NAXD: variants seen among roughly 807,000 people sequenced by gnomAD.
The protein encoded by NAXD is NAD(P)HX dehydratase.
A neutral mutation model predicts 35.8 loss-of-function variants in NAXD; 22 were observed. The observed-to-expected ratio is 0.62, with a 90% CI of 0.44 to 0.88. The LOEUF (loss-of-function observed/expected upper bound fraction) is 0.88, where lower values mean the gene tolerates loss of function less well. Ranked by LOEUF, NAXD falls within the 40% of genes least tolerant of loss-of-function variation. The pLI is 0.00. For missense variants in NAXD, 428 were observed against 437.7 expected, an observed-to-expected ratio of 0.98 and a Z score of 0.20; for synonymous variants, 189 against 177.6, an observed-to-expected ratio of 1.06 and a Z score of -0.51.
chr13:110,626,841 A>G (rs1161776404), intron 4 of NAXD, among the ~76,000 whole-genome samples: 2 of 152,226 alleles, frequency 1.3e-5, no homozygotes, highest in African/African-American at 4.8e-5. Context: ...AGGAGTTCTG[A>G]AAAAGCAAAC....
Position 110,639,835 on chromosome 13 carries a change from A to T in NAXD, c.*1307A>T, listed in dbSNP as rs1313723688. 4 of 152,148 alleles carry T rather than the reference A, an allele frequency of 2.6e-5. No individual in the cohort carries two copies. The highest frequency in any genetic ancestry group is 5.9e-5 in the Non-Finnish European group (4 of 68,024). The allele number at this position is 152,148 out of a possible 1,614,324, so 9.4% of individuals were successfully genotyped here. A position where few individuals can be genotyped will look rare whatever the true frequency, so the allele number is the denominator to read the frequency against. ...TTCTTTAAAACTAGGGACTTTCAAG[A>T]TTAAAAAAAAGATTGTCACTACTAA... On this transcript the variant is annotated 3_prime_UTR_variant, in exon 10 of 10. Transcript: ENST00000680254.
intron 5 of NAXD, among the ~76,000 whole-genome samples, chr13:110,633,650 A>G (rs1430108940): frequency 6.6e-6 from 1 of 152,230 alleles, no homozygotes; most frequent in Non-Finnish European, 1.5e-5. Context: ...CTGTCAAGTC[A>G]GGATCACTTT....
chr13:110,619,841 C>T lies in NAXD; in HGVS notation c.47-2375C>T, dbSNP rs147583280. 6.6e-5 allele frequency among the ~76,000 whole-genome samples: 10 copies of T among 152,270 alleles called. No individual in the cohort carries two copies. The East Asian group carries it at 1.9e-3, about 29-fold the overall frequency. On this transcript the variant is annotated intron_variant, in intron 1 of 9. Coordinates refer to ENST00000680254, the MANE Select transcript of NAXD (RefSeq NM_001242882.2). ...GAGACAAGAGTCTCGCTGTGTCACC[C>T]AGGCTGGAGTGCAGTGGCATAATCT...
In NAXD at chr13:110,625,924, C is replaced by T. The variant is rs187018351; in HGVS notation, c.332+646C>T. ...CAGGTGGTGAAGGAACCGTAGAGAG[C>T]GGCAGCAGGGAGGGGGCTGTGAGAG... is the stretch of plus-strand genomic sequence containing the variant. On this transcript the variant is annotated intron_variant, in intron 4 of 9. Coordinates refer to ENST00000680254, the MANE Select transcript of NAXD (RefSeq NM_001242882.2). 2.7e-3 allele frequency among the ~76,000 whole-genome samples: 415 copies of T among 152,222 alleles called. 2 individuals are homozygous for T. Among genetic ancestry groups the T allele is most frequent in the African/African-American group, 9.4e-3 (389 of 41,536 alleles).
intron 1 of NAXD, among the ~76,000 whole-genome samples, chr13:110,617,111 C>T (rs1403909490): frequency 6.6e-6 from 1 of 152,126 alleles, no homozygotes; most frequent in Non-Finnish European, 1.5e-5. Context: ...TAAACTTTTA[C>T]GAAAAGCCAG....
At position 110,639,024 on chromosome 13, in the gene NAXD, G is replaced by A. The variant is rs576569526; in HGVS notation, c.*496G>A. 6 of 278,034 alleles carry A rather than the reference G, an allele frequency of 2.2e-5. No individual in the cohort carries two copies. Among genetic ancestry groups the A allele is most frequent in the Non-Finnish European group, 2.8e-5 (4 of 140,360 alleles). The allele number at this position is 278,034 out of a possible 1,614,324, so 17.2% of individuals were successfully genotyped here. On this transcript the variant is annotated 3_prime_UTR_variant, in exon 10 of 10. Transcript: ENST00000680254. Reference sequence around the variant, plus strand: ...ACTGGGTCCATCAGAGGGCTGCTTCGTTCTCCAGCTCATCTTCTTTTAAAG... The same window carrying A: ...ACTGGGTCCATCAGAGGGCTGCTTCATTCTCCAGCTCATCTTCTTTTAAAG...
At position 110,615,580 on chromosome 13, in the gene NAXD, T is replaced by C; in HGVS notation, c.-22T>C. ...TTTCCGGCGACGGCGCGGGGGCAGC[T>C]GGGAATCCGGAATGCTGCCCGATGG... On this transcript the variant is annotated 5_prime_UTR_variant, in exon 1 of 10. Transcript: ENST00000680254. 1 of 1,349,672 alleles carries C rather than the reference T, an allele frequency of 7.4e-7. No homozygotes were observed. The highest frequency in any genetic ancestry group is 1.7e-5 in the South Asian group (1 of 57,426). 83.6% of individuals were successfully genotyped at this position (1,349,672 alleles called of 1,614,324 possible).
intron 5 of NAXD, among the ~76,000 whole-genome samples, chr13:110,629,707 G>T (rs867290334): frequency 6.6e-6 from 1 of 152,148 alleles, no homozygotes; most frequent in African/African-American, 2.4e-5. Flanking sequence ...TGGTTTATCT[G>T]TTGATTAATT....
rs1311952593 is a variant in NAXD, at chr13:110,638,664, AT to A, written c.*138del. 6.8e-6 allele frequency: 7 copies of A among 1,025,600 alleles called. No homozygotes were observed. Among genetic ancestry groups the A allele is most frequent in the Non-Finnish European group, 1.0e-5 (7 of 673,414 alleles). The allele number at this position is 1,025,600 out of a possible 1,614,324, so 63.5% of individuals were successfully genotyped here. On this transcript the variant is annotated 3_prime_UTR_variant, in exon 10 of 10. Coordinates refer to ENST00000680254, the MANE Select transcript of NAXD (RefSeq NM_001242882.2). The surrounding 1 kb of genome is among the most constrained non-coding windows in gnomAD (Gnocchi z 5.4). ...TCAACTTGAGCATAAATTGGTTGCCATTGAGAATTTAAGAATCTGGAATATT... is the reference window on the plus strand; with the variant it reads ...TCAACTTGAGCATAAATTGGTTGCCATGAGAATTTAAGAATCTGGAATATT...
chr13:110,633,238 A>G lies in NAXD; in HGVS notation c.442-1307A>G, dbSNP rs560956619. 2.2e-3 allele frequency among the ~76,000 whole-genome samples: 332 copies of G among 152,284 alleles called. 1 individual carries two copies. The highest frequency in any genetic ancestry group is 3.2e-3 in the Non-Finnish European group (215 of 68,008). On this transcript the variant is annotated intron_variant, in intron 5 of 9. Transcript: ENST00000680254. ...AGTGCCGGTGGGCTGGCACTGCTGC[A>G]GGACCCAGTACACCCTCTGCAGCCG...
chr13:110,637,382 G>T, intron 9 of NAXD, 133 bp downstream of exon 9: 2 of 1,096,048 alleles, frequency 1.8e-6, no homozygotes, highest in Non-Finnish European at 2.7e-6. Flanking sequence ...AGAGATCTCG[G>T]CACAGACGAA....
chr13:110,637,368 C>A (rs1886968222), intron 9 of NAXD, 119 bp downstream of exon 9: 1 of 1,212,754 alleles, frequency 8.2e-7, no homozygotes, highest in African/African-American at 1.5e-5. Flanking sequence ...CTAGGCTTCA[C>A]TGGAGAGATC....
Position 110,622,339 on chromosome 13 carries a change from G to T in NAXD, c.170G>T (p.Arg57Ile), listed in dbSNP as rs1429101251. The change falls in exon 2 of 10, where the codon AGA becomes ATA. Residue 57 changes from arginine to isoleucine, a missense_variant. This residue lies in a region of NAXD where 208 missense variants were observed against 193.0 expected (regional missense o/e 1.08). Transcript: ENST00000680254. ...ACAAAGCACAAAGGGCAAGATGGAA[G>T]AATAGGCGTAGTTGGAGGCTGTCAG... Reference protein sequence around the residue: ...SSTKHKGQDGRIGVVGGCQEY... With the variant: ...SSTKHKGQDGIIGVVGGCQEY... 1 of 1,614,232 alleles carries T rather than the reference G, an allele frequency of 6.2e-7. No individual in the cohort carries two copies. The highest frequency in any genetic ancestry group is 8.5e-7 in the Non-Finnish European group (1 of 1,180,028).
Position 110,625,193 on chromosome 13 carries a change from G to T in NAXD, c.247G>T (p.Ala83Ser). The T allele has an allele frequency of 6.2e-7, 1 of 1,613,040 alleles. No homozygotes were observed. Among genetic ancestry groups the T allele is most frequent in the South Asian group, 1.1e-5 (1 of 91,060 alleles). ...FAAISALKVG[A>S]DLSHVFCASA... ...GCCTCTTGTGCTCCTTCATCAGGGC[G>T]CAGACTTGTCCCACGTGTTCTGTGC... The change falls in exon 4 of 10, where the codon GCA (alanine) becomes TCA (serine). Residue 83 changes from alanine (A) to serine (S), a missense_variant. Transcript: ENST00000680254.
chr13:110,616,153 C>T (rs1052712536), intron 1 of NAXD: 2 of 229,564 alleles, frequency 8.7e-6, no homozygotes, highest in Non-Finnish European at 1.7e-5. Context: ...TCGCCAACTG[C>T]GGGCTTGCTG....
At chr13:110,636,676 T>C (rs964101526) in intron 8 of NAXD, among the ~76,000 whole-genome samples, 1 of 152,258 alleles carries the variant, frequency 6.6e-6, no homozygotes, top group Non-Finnish European at 1.5e-5. Flanking sequence ...CGTGACGTTA[T>C]GAGGCCGGTG....
intron 4 of NAXD, among the ~76,000 whole-genome samples, chr13:110,626,468 G>T (rs1438098370): frequency 6.6e-6 from 1 of 151,254 alleles, no homozygotes; most frequent in Non-Finnish European, 1.5e-5. Context: ...TGGCTAGAGG[G>T]CATTGGACAG....
At position 110,639,519 on chromosome 13, in the gene NAXD, T is replaced by G. The variant is rs1887091590; in HGVS notation, c.*991T>G. 6.6e-6 allele frequency: 1 copy of G among 152,254 alleles called. No homozygotes were observed. Among genetic ancestry groups the G allele is most frequent in the African/African-American group, 2.4e-5 (1 of 41,458 alleles). 9.4% of individuals were successfully genotyped at this position (152,254 alleles called of 1,614,324 possible). A position where few individuals can be genotyped will look rare whatever the true frequency, so the allele number is the denominator to read the frequency against. The stretch of plus-strand genomic sequence containing the variant: ...CCAGTAAAGACACTGGTAACTGCGG[T>G]TTCAGCCAACACTCTTCATGGCAGT... On this transcript the variant is annotated 3_prime_UTR_variant, in exon 10 of 10. Coordinates refer to ENST00000680254, the MANE Select transcript of NAXD (RefSeq NM_001242882.2).
chr13:110,637,250 G>T lies in NAXD; in HGVS notation c.839+1G>T, dbSNP rs1566623786. On this transcript the variant is annotated splice_donor_variant, in intron 9 of 9. Transcript: ENST00000680254. LOFTEE classifies it high-confidence loss of function. ...TTGCTGGACCACAGAAAACAAATGGGTAAGGCCACGTCTTCATTTATTCTA... is the reference window on the plus strand; with the variant it reads ...TTGCTGGACCACAGAAAACAAATGGTTAAGGCCACGTCTTCATTTATTCTA... The T allele has an allele frequency of 6.2e-7, 1 of 1,613,934 alleles. No homozygotes were observed. The highest frequency in any genetic ancestry group is 8.5e-7 in the Non-Finnish European group (1 of 1,179,956).
Sources: allele counts gnomAD v4.1 joint callset (sites outside exome capture counted in the v4.1 genomes callset), GRCh38; gene constraint gnomAD v4.1.1; regional missense constraint gnomAD v4.1.1; non-coding constraint Gnocchi (gnomAD v3.1); transcripts MANE v1.5; gene names NCBI Gene and HGNC (gene_info 2026-07-23, HGNC 2026-07-21).